SS18: variants seen among roughly 807,000 people sequenced by gnomAD.
SS18 encodes the protein protein SSXT.
In SS18, 28 loss-of-function variants were observed where a neutral mutation model predicts 72.5. The observed-to-expected ratio is 0.39, with a 90% confidence interval of 0.29 to 0.53. The LOEUF (loss-of-function observed/expected upper bound fraction) is 0.53, where lower values mean the gene tolerates loss of function less well. SS18 is among the 20% of genes least tolerant of loss of function. The probability of loss-of-function intolerance (pLI) is 0.76; values close to 1 mark genes in which losing one functional copy is unlikely to be tolerated. For synonymous variants in SS18, 172 were observed against 164.2 expected (o/e 1.05, Z -0.37); for missense variants, 518 against 535.3 (o/e 0.97, Z 0.32).
At chr18:26,087,456 C>T (rs374088749) in intron 2 of SS18, 45 bp downstream of exon 2, 1 of 1,074,198 alleles carries the variant, frequency 9.3e-7, no homozygotes, top group Admixed American at 2.2e-5. Flanking sequence ...AAAAATTAAC[C>T]AATACAAAAA....
intron 5 of SS18, among the ~76,000 whole-genome samples, chr18:26,041,301 G>GT (rs1339765571): frequency 6.6e-6 from 1 of 152,154 alleles, no homozygotes; most frequent in African/African-American, 2.4e-5. Flanking sequence ...GTGCACACCT[G>GT]TAATCCCAGC....
chr18:26,020,088 A>C (rs185874055), intron 10 of SS18, among the ~76,000 whole-genome samples: 1 of 152,302 alleles, frequency 6.6e-6, no homozygotes, highest in Admixed American at 6.5e-5. Context: ...GGTTTAAAAT[A>C]AGAAAGTTAT....
chr18:26,088,261 G>A (rs931317003), intron 1 of SS18, among the ~76,000 whole-genome samples: 1 of 152,138 alleles, frequency 6.6e-6, no homozygotes, highest in East Asian at 1.9e-4. Context: ...AAGAGTCCGA[G>A]TTGGTTTTTC....
Position 26,016,431 on chromosome 18 carries a change from A to C in SS18, c.*1923T>G, listed in dbSNP as rs960399040. The C allele has an allele frequency of 5.5e-6, 1 of 182,306 alleles. No homozygotes were observed. Among genetic ancestry groups the C allele is most frequent in the African/African-American group, 2.4e-5 (1 of 42,494 alleles). 11.3% of individuals were successfully genotyped at this position (182,306 alleles called of 1,614,324 possible). On this transcript the variant is annotated 3_prime_UTR_variant, in exon 11 of 11. Transcript: ENST00000415083. ...TTCTACTGATCAAGTTGAAAGAAAAAACCTATTCTGGCCAGGCACGGTGGC... is the reference window on the plus strand; with the variant it reads ...TTCTACTGATCAAGTTGAAAGAAAACACCTATTCTGGCCAGGCACGGTGGC...
intron 3 of SS18, among the ~76,000 whole-genome samples, chr18:26,073,577 A>T (rs2054354905): frequency 6.6e-6 from 1 of 152,230 alleles, no homozygotes; most frequent in Non-Finnish European, 1.5e-5. Context: ...TAATTGCTGG[A>T]ACCTCATTAT....
intron 4 of SS18, among the ~76,000 whole-genome samples, chr18:26,053,567 T>C (rs961438700): frequency 6.6e-6 from 1 of 151,874 alleles, no homozygotes; most frequent in African/African-American, 2.4e-5. Context: ...ATTTATAAGA[T>C]AGATCGCAGA....
intron 4 of SS18, among the ~76,000 whole-genome samples, chr18:26,055,006 T>A (rs913879876): frequency 6.6e-6 from 1 of 151,988 alleles, no homozygotes; most frequent in Non-Finnish European, 1.5e-5. Context: ...CCCAAAGTGC[T>A]GGGATTACAG....
intron 6 of SS18, 71 bp from the exon 7 acceptor site, chr18:26,038,730 T>C: frequency 7.6e-7 from 1 of 1,315,010 alleles, no homozygotes. Context: ...CTTTCTAATT[T>C]GATATTATGA....
chr18:26,057,789 G>A (rs563160246), intron 3 of SS18, 47 bp from the exon 4 acceptor site: 46 of 1,533,670 alleles, frequency 3.0e-5, no homozygotes, highest in Admixed American at 8.0e-5. Flanking sequence ...ACTAATATAC[G>A]AAAGATGCAT....
At position 26,060,771 on chromosome 18, in the gene SS18, C is replaced by CAAAAAAAAAAAAAAAAAAAA. The variant is rs60999827; in HGVS notation, c.232-3049_232-3030dup. ...GAAACTCTGTCTCTACTAAAAATACCAAAAAAAAAAAAAAAAAAAAAAAAA... is the reference window on the plus strand; with the variant it reads ...GAAACTCTGTCTCTACTAAAAATACCAAAAAAAAAAAAAAAAAAAAAAAAAAAAAAAAAAAAAAAAAAAAA... On this transcript the variant is annotated intron_variant, in intron 3 of 10. Transcript: ENST00000415083. Among the ~76,000 whole-genome samples the CAAAAAAAAAAAAAAAAAAAA allele has an allele frequency of 2.5e-4, 10 of 39,600 alleles. 2 individuals are homozygous for CAAAAAAAAAAAAAAAAAAAA. The highest frequency in any genetic ancestry group is 5.8e-4 in the East Asian group (1 of 1,732). 26.0% of individuals were successfully genotyped at this position (39,600 alleles called of 152,430 possible). A position where few individuals can be genotyped will look rare whatever the true frequency, so the allele number is the denominator to read the frequency against.
At position 26,016,856 on chromosome 18, in the gene SS18, G is replaced by A. The variant is rs2053259545; in HGVS notation, c.*1498C>T. ...TTCCTCCTTTTGATTACAGTATGTT[G>A]AGAACAGTATGTTCTGCTTATTCAA... is the stretch of plus-strand genomic sequence containing the variant. On this transcript the variant is annotated 3_prime_UTR_variant, in exon 11 of 11. Coordinates refer to ENST00000415083, the MANE Select transcript of SS18 (RefSeq NM_001007559.3). The A allele has an allele frequency of 4.3e-6, 1 of 230,714 alleles. No individual in the cohort carries two copies. The highest frequency in any genetic ancestry group is 8.6e-6 in the Non-Finnish European group (1 of 116,330). The allele number at this position is 230,714 out of a possible 1,614,324, so 14.3% of individuals were successfully genotyped here.
intron 2 of SS18, chr18:26,082,585 C>T (rs1375869371): frequency 2.3e-6 from 2 of 872,520 alleles, no homozygotes; most frequent in African/African-American, 1.8e-5. Flanking sequence ...TTAGAAAATG[C>T]TCAAATTAAA....
chr18:26,020,108 T>C (rs2053321972), intron 10 of SS18, among the ~76,000 whole-genome samples: 1 of 152,216 alleles, frequency 6.6e-6, no homozygotes, highest in Non-Finnish European at 1.5e-5. Context: ...TTGGTTAGCA[T>C]ACTGGAGCTT....
At chr18:26,090,957 G>C (rs2054717990), upstream of SS18, 2 of 272,910 alleles carry the variant, frequency 7.3e-6, no homozygotes, top group Non-Finnish European at 1.4e-5. Context: ...CACAGGAAAT[G>C]CGAGCGGCCC....
intron 3 of SS18, among the ~76,000 whole-genome samples, chr18:26,076,064 A>G (rs1015145008): frequency 2.0e-5 from 3 of 151,970 alleles, no homozygotes. Context: ...GACAGACATT[A>G]AAGAACTAAA....
At chr18:26,064,882 C>A (rs2054185094) in intron 3 of SS18, 1 of 151,832 alleles carries the variant, frequency 6.6e-6, no homozygotes, top group Non-Finnish European at 1.5e-5. Context: ...CTATAATAAA[C>A]CATTAGAATA....
intron 2 of SS18, among the ~76,000 whole-genome samples, chr18:26,080,777 T>TAC (rs1461072119): frequency 6.6e-6 from 1 of 152,194 alleles, no homozygotes; most frequent in African/African-American, 2.4e-5. Context: ...CATCTCTAAA[T>TAC]ACACACACCA....
chr18:26,028,877 C>T (rs868827360), intron 10 of SS18, among the ~76,000 whole-genome samples: 20 of 152,180 alleles, frequency 1.3e-4, no homozygotes, highest in Middle Eastern at 3.4e-3. Flanking sequence ...AAAGATCAAA[C>T]TGTACACTTT....
At chr18:26,071,080 T>C (rs143252913) in intron 3 of SS18, among the ~76,000 whole-genome samples, 1 of 152,114 alleles carries the variant, frequency 6.6e-6, no homozygotes, top group East Asian at 1.9e-4. Flanking sequence ...TGATAAATGG[T>C]TGGAAAAGTC....
Sources: gnomAD v4.1 joint callset for allele counts (sites outside exome capture counted in the v4.1 genomes callset) on GRCh38, gnomAD v4.1.1 for gene constraint, MANE v1.5 for transcripts, NCBI Gene and HGNC (gene_info 2026-07-23, HGNC 2026-07-21) for gene names.